HLCS: variants seen among roughly 807,000 people sequenced by gnomAD.
HLCS encodes biotin--protein ligase.
Under a neutral mutation model 75.0 loss-of-function variants are expected in HLCS, and 53 were observed. The observed-to-expected ratio is 0.71, with a 90% CI of 0.57 to 0.89. The LOEUF is 0.89. HLCS is among the 40% of genes least tolerant of loss of function. The probability of loss-of-function intolerance (pLI) is 0.00; values close to 1 mark genes in which losing one functional copy is unlikely to be tolerated. For missense variants in HLCS, 966 were observed against 1,074.0 expected, an observed-to-expected ratio of 0.90 and a Z score of 1.41; for synonymous variants, 431 against 428.6, an observed-to-expected ratio of 1.01 and a Z score of -0.07.
intron 5 of HLCS, among the ~76,000 whole-genome samples, chr21:36,929,714 G>A (rs908926755): frequency 6.6e-6 from 1 of 152,232 alleles, no homozygotes; most frequent in Non-Finnish European, 1.5e-5. Flanking sequence ...CCTACACCTG[G>A]AGAATCTGGC....
chr21:36,759,562 G>T (rs1390602133), intron 9 of HLCS, among the ~76,000 whole-genome samples, 165 bp downstream of exon 9: 1 of 152,188 alleles, frequency 6.6e-6, no homozygotes, highest in African/African-American at 2.4e-5. Flanking sequence ...CCTGTGAAGT[G>T]CTTTCGACCA....
At chr21:36,807,144 T>G (rs987451302) in intron 6 of HLCS, among the ~76,000 whole-genome samples, 28 of 152,114 alleles carry the variant, frequency 1.8e-4, no homozygotes, top group Admixed American at 1.7e-3. Context: ...ATATTTGATT[T>G]GTTAGAAGTG....
chr21:36,914,170 C>A (rs186339382), intron 5 of HLCS, among the ~76,000 whole-genome samples: 2 of 152,208 alleles, frequency 1.3e-5, no homozygotes, highest in South Asian at 4.1e-4. Context: ...GATGGGCCGA[C>A]AGGTGAACGG....
chr21:36,845,480 A>G (rs1042087248), intron 6 of HLCS, among the ~76,000 whole-genome samples: 1 of 152,124 alleles, frequency 6.6e-6, no homozygotes, highest in Non-Finnish European at 1.5e-5. Flanking sequence ...CGTAAATACA[A>G]CGGCAAACTG....
chr21:36,972,157 G>T (rs745848153), intron 1 of HLCS: 1 of 152,078 alleles, frequency 6.6e-6, no homozygotes, highest in Non-Finnish European at 1.5e-5. Flanking sequence ...CATGGTACAA[G>T]ATTTTATTCA....
At chr21:36,849,752 C>G (rs1468052384) in intron 6 of HLCS, among the ~76,000 whole-genome samples, 1 of 152,232 alleles carries the variant, frequency 6.6e-6, no homozygotes, top group Non-Finnish European at 1.5e-5. Flanking sequence ...TGAGAGCTCT[C>G]CAACATTCAT....
rs2089313719 is a variant in HLCS at position 36,749,805 on chromosome 21, A to C, written c.*4441T>G. 6.6e-6 allele frequency: 1 copy of C among 152,182 alleles called. No individual in the cohort carries two copies. The highest frequency in any genetic ancestry group is 6.5e-5 in the Admixed American group (1 of 15,286). 9.4% of individuals were successfully genotyped at this position (152,182 alleles called of 1,614,324 possible). A position where few individuals can be genotyped will look rare whatever the true frequency, so the allele number is the denominator to read the frequency against. On this transcript the variant is annotated 3_prime_UTR_variant, in exon 11 of 11. Coordinates refer to ENST00000674895, the MANE Select transcript of HLCS (RefSeq NM_001352514.2). ...AGTACTGCAAAATGCTTTTGTGTCT[A>C]CCTTGTTATTAACTTTTGGGGCTGT...
intron 6 of HLCS, among the ~76,000 whole-genome samples, chr21:36,794,850 C>T (rs2060979403): frequency 6.6e-6 from 1 of 152,038 alleles, no homozygotes; most frequent in South Asian, 2.1e-4. Flanking sequence ...TTCTGGCACA[C>T]ACAACTCAAG....
At chr21:36,795,477 C>T (rs139340933) in intron 6 of HLCS, among the ~76,000 whole-genome samples, 12 of 152,334 alleles carry the variant, frequency 7.9e-5, no homozygotes, top group Non-Finnish European at 1.8e-4. Context: ...GCTACTGAAA[C>T]AGATTTCATA....
At chr21:36,927,903 G>A (rs944542728) in intron 5 of HLCS, among the ~76,000 whole-genome samples, 5 of 152,184 alleles carry the variant, frequency 3.3e-5, no homozygotes, top group African/African-American at 9.7e-5. Flanking sequence ...TAAGGCAGGC[G>A]ATGAGCCAAA....
chr21:36,912,479 G>T (rs1310918049), intron 5 of HLCS, among the ~76,000 whole-genome samples: 1 of 152,122 alleles, frequency 6.6e-6, no homozygotes, highest in Non-Finnish European at 1.5e-5. Context: ...AGGTTACCAG[G>T]AGCCACAGGG....
chr21:36,905,798 T>C (rs2065424068), intron 5 of HLCS, among the ~76,000 whole-genome samples: 3 of 152,188 alleles, frequency 2.0e-5, no homozygotes, highest in South Asian at 2.1e-4. Flanking sequence ...ACGTCTGTAA[T>C]CCCAGCCCTT....
At chr21:36,945,463 T>C (rs1282878468) in intron 2 of HLCS, among the ~76,000 whole-genome samples, 3 of 152,244 alleles carry the variant, frequency 2.0e-5, no homozygotes, top group African/African-American at 4.8e-5. Context: ...AGAGGACTAT[T>C]ATTCAACCAT....
chr21:36,753,815 A>C lies in HLCS; in HGVS notation c.*431T>G. 3.7e-6 allele frequency: 1 copy of C among 269,872 alleles called. No individual in the cohort carries two copies. The highest frequency in any genetic ancestry group is 4.1e-5 in the South Asian group (1 of 24,212). The allele number at this position is 269,872 out of a possible 1,614,324, so 16.7% of individuals were successfully genotyped here. A position where few individuals can be genotyped will look rare whatever the true frequency, so the allele number is the denominator to read the frequency against. On this transcript the variant is annotated 3_prime_UTR_variant, in exon 11 of 11. Transcript: ENST00000674895. The surrounding 1 kb of genome is among the most constrained non-coding windows in gnomAD (Gnocchi z 4.3). ...GTTCAGTACCTCCCCAGATGCTTAC[A>C]AACAGTGATAGCATACCTCTAACTC...
At chr21:36,788,418 A>G (rs915679838) in intron 6 of HLCS, among the ~76,000 whole-genome samples, 1 of 152,342 alleles carries the variant, frequency 6.6e-6, no homozygotes, top group Non-Finnish European at 1.5e-5. Flanking sequence ...ACTGTTACAC[A>G]CTGGCCCACG....
chr21:36,755,767 G>A (rs965489360), intron 10 of HLCS, among the ~76,000 whole-genome samples: 4 of 152,176 alleles, frequency 2.6e-5, no homozygotes, highest in African/African-American at 7.2e-5. Context: ...AGCGGTCCTC[G>A]GACTTCAGCT....
intron 6 of HLCS, among the ~76,000 whole-genome samples, chr21:36,781,277 A>G (rs1650382374): frequency 6.8e-6 from 1 of 145,990 alleles, no homozygotes; most frequent in South Asian, 2.2e-4. Context: ...AAAAAAAAAA[A>G]GCCTTGATGG....
intron 6 of HLCS, among the ~76,000 whole-genome samples, chr21:36,802,315 T>A (rs1432440191): frequency 6.6e-6 from 1 of 152,220 alleles, no homozygotes; most frequent in Non-Finnish European, 1.5e-5. Context: ...CATGTCCATC[T>A]GTCTGTTGGT....
chr21:36,834,475 C>G (rs1162185069), intron 6 of HLCS, among the ~76,000 whole-genome samples: 1 of 152,220 alleles, frequency 6.6e-6, no homozygotes, highest in African/African-American at 2.4e-5. Flanking sequence ...AGTGACTGAG[C>G]CCAGGGGTGG....
Sources: allele counts gnomAD v4.1 joint callset (sites outside exome capture counted in the v4.1 genomes callset), GRCh38; gene constraint gnomAD v4.1.1; non-coding constraint Gnocchi (gnomAD v3.1); transcripts MANE v1.5; gene names NCBI Gene and HGNC (gene_info 2026-07-23, HGNC 2026-07-21).